CNTLN: variants seen among roughly 807,000 people sequenced by gnomAD.
The protein encoded by CNTLN is centlein, also known as centlein, centrosomal protein.
CNTLN carries 212 observed loss-of-function variants against 180.0 expected under a neutral mutation model. That is an observed-to-expected ratio of 1.18 (90% confidence interval 1.05 to 1.32). CNTLN has a LOEUF of 1.32. Ranked by LOEUF, CNTLN falls within the 40% of genes most tolerant of loss-of-function variation. The pLI is 0.00. For synonymous variants in CNTLN, 722 were observed against 563.1 expected (o/e 1.28, Z -3.99); for missense variants, 2,095 against 1,610.9 (o/e 1.30, Z -5.14).
At chr9:17,416,282 G>C (rs1564087747) in intron 18 of CNTLN, 93 bp downstream of exon 18, 1 of 1,091,596 alleles carries the variant, frequency 9.2e-7, no homozygotes, top group Non-Finnish European at 1.3e-6. Context: ...ATTTGTGTTA[G>C]GCAGGTCTAT....
At chr9:17,291,216 C>G (rs143854329) in intron 6 of CNTLN, among the ~76,000 whole-genome samples, 1 of 152,256 alleles carries the variant, frequency 6.6e-6, no homozygotes, top group Non-Finnish European at 1.5e-5. Context: ...GTTTTACTCC[C>G]AAGTACGTGA....
At chr9:17,490,491 A>T (rs1220852049) in intron 25 of CNTLN, among the ~76,000 whole-genome samples, 2 of 152,122 alleles carry the variant, frequency 1.3e-5, no homozygotes, top group African/African-American at 4.8e-5. Context: ...AGCCAGGCAT[A>T]AAATGTTACA....
chr9:17,513,025 T>C, the CNTLN span, among the ~76,000 whole-genome samples: 127 of 152,220 alleles, frequency 8.3e-4, no homozygotes, highest in African/African-American at 2.8e-3. Context: ...TTCACCGTGT[T>C]AGCCAGAATG....
In CNTLN at chr9:17,409,461, C is replaced by G; in HGVS notation, c.2784C>G (p.Gly928=). The G allele has an allele frequency of 1.3e-6, 2 of 1,597,810 alleles. No individual in the cohort carries two copies. The highest frequency in any genetic ancestry group is 1.7e-6 in the Non-Finnish European group (2 of 1,175,262). The change falls in exon 16 of 26, where the codon GGC becomes GGG. Residue 928 remains glycine (G), a synonymous_variant. Transcript: ENST00000380647. Reference sequence around the variant, plus strand: ...TACAGACATATTTAAATATAGATGGCAAGACCCCAAAGGTAAATGACATGA... The same window carrying G: ...TACAGACATATTTAAATATAGATGGGAAGACCCCAAAGGTAAATGACATGA... ...EIVQTYLNID[G]KTPKDYFHDK...
chr9:17,218,145 T>G (rs938864291), intron 2 of CNTLN, among the ~76,000 whole-genome samples: 1 of 152,160 alleles, frequency 6.6e-6, no homozygotes, highest in African/African-American at 2.4e-5. Context: ...GGCTTTCAAA[T>G]ATAATTTTAA....
chr9:17,464,667 G>C (rs374986973), intron 21 of CNTLN, 44 bp downstream of exon 21: 1 of 1,201,086 alleles, frequency 8.3e-7, no homozygotes, highest in Admixed American at 2.9e-5. Context: ...ATCACTTCCT[G>C]TTGTAATTAC....
chr9:17,302,392 T>C (rs1211986783), intron 7 of CNTLN, among the ~76,000 whole-genome samples: 1 of 151,992 alleles, frequency 6.6e-6, no homozygotes, highest in Non-Finnish European at 1.5e-5. Context: ...AGAGACTGAG[T>C]TTCACCATGT....
intron 2 of CNTLN, among the ~76,000 whole-genome samples, chr9:17,145,873 G>A (rs766473479): frequency 8.6e-5 from 13 of 152,024 alleles, no homozygotes; most frequent in Admixed American, 6.6e-5. Flanking sequence ...TTAAATGACC[G>A]AAAATGTCTT....
chr9:17,167,911 A>G (rs377017290), intron 2 of CNTLN: 60 of 152,098 alleles, frequency 3.9e-4, no homozygotes, highest in African/African-American at 1.3e-3. Context: ...GTGTACCCTG[A>G]GGAAAACTCA....
chr9:17,380,372 G>A (rs372478862), intron 13 of CNTLN, among the ~76,000 whole-genome samples: 3 of 152,174 alleles, frequency 2.0e-5, no homozygotes, highest in African/African-American at 7.2e-5. Flanking sequence ...ACCTAAGCAA[G>A]CCTCAGCCAA....
chr9:17,230,587 T>A (rs890244090), intron 3 of CNTLN, among the ~76,000 whole-genome samples: 10 of 151,866 alleles, frequency 6.6e-5, no homozygotes, highest in African/African-American at 2.4e-4. Flanking sequence ...CCAAGTTGGT[T>A]AGTTAGGCTC....
chr9:17,221,839 T>C (rs79472907), intron 2 of CNTLN, among the ~76,000 whole-genome samples: 9,027 of 152,158 alleles, frequency 0.059, 306 homozygotes, highest in East Asian at 0.18. Flanking sequence ...TCATATACCA[T>C]TGAGAAAGTG....
intron 18 of CNTLN, among the ~76,000 whole-genome samples, chr9:17,437,844 A>G (rs1348437348): frequency 1.3e-5 from 2 of 152,152 alleles, no homozygotes; most frequent in Admixed American, 6.5e-5. Context: ...TATAACATGG[A>G]TGTTTAAATG....
intron 2 of CNTLN, among the ~76,000 whole-genome samples, chr9:17,150,120 A>G (rs1818754807): frequency 6.6e-6 from 1 of 152,130 alleles, no homozygotes; most frequent in Non-Finnish European, 1.5e-5. Flanking sequence ...CTCTGATGAT[A>G]GTTTCTTTTG....
intron 2 of CNTLN, among the ~76,000 whole-genome samples, chr9:17,178,776 T>G (rs1455603497): frequency 6.6e-6 from 1 of 151,954 alleles, no homozygotes; most frequent in Non-Finnish European, 1.5e-5. Context: ...CCTCCACACC[T>G]GCCTTCAAGC....
At chr9:17,490,231 G>C (rs535222569) in intron 25 of CNTLN, among the ~76,000 whole-genome samples, 228 of 152,116 alleles carry the variant, frequency 1.5e-3, no homozygotes, top group Non-Finnish European at 2.7e-3. Flanking sequence ...GGAGCAAAAA[G>C]GTTCTAGGTA....
chr9:17,284,297 C>T (rs1395512099), intron 6 of CNTLN, among the ~76,000 whole-genome samples: 1 of 152,154 alleles, frequency 6.6e-6, no homozygotes, highest in Non-Finnish European at 1.5e-5. Context: ...AGGGAGCAGA[C>T]CCTCCTTTTC....
At chr9:17,235,618 GA>G (rs1563908417) in intron 3 of CNTLN, 39 bp from the exon 4 acceptor site, 1 of 1,433,784 alleles carries the variant, frequency 7.0e-7, no homozygotes, top group Non-Finnish European at 9.3e-7. Flanking sequence ...GTTTTTCTTA[GA>G]AATAAAAGCT....
chr9:17,427,818 T>C (rs1178174722), intron 18 of CNTLN, among the ~76,000 whole-genome samples: 1 of 152,164 alleles, frequency 6.6e-6, no homozygotes, highest in Admixed American at 6.5e-5. Context: ...TCCTCTTGTC[T>C]CAGATTTCCA....
Sources: gnomAD v4.1 joint callset for allele counts (sites outside exome capture counted in the v4.1 genomes callset) on GRCh38, gnomAD v4.1.1 for gene constraint, MANE v1.5 for transcripts, NCBI Gene and HGNC (gene_info 2026-07-23, HGNC 2026-07-21) for gene names.